The following PHKA1 variants were observed in gnomAD, a reference collection of about 807,000 sequenced individuals.
PHKA1 encodes phosphorylase kinase regulatory subunit alpha 1, also known as phosphorylase b kinase regulatory subunit alpha, skeletal muscle isoform.
PHKA1 carries 60 observed loss-of-function variants against 110.2 expected under a neutral mutation model. The ratio of observed to expected loss-of-function variants is 0.54; its 90% CI spans 0.44 to 0.68. The LOEUF is 0.68. Among genes scored for constraint, PHKA1 ranks in the 30% least tolerant of loss-of-function variants. The pLI, the probability that PHKA1 is intolerant of heterozygous loss-of-function variation, is 0.00. For synonymous variants in PHKA1, 316 were observed against 333.6 expected, an observed-to-expected ratio of 0.95 and a Z score of 0.58; for missense variants, 801 against 942.5, an observed-to-expected ratio of 0.85 and a Z score of 1.97.
chrX:72,633,095 C>T (rs2053185777), intron 16 of PHKA1, among the ~76,000 whole-genome samples: 1 of 111,550 alleles, frequency 9.0e-6, no homozygotes. Flanking sequence ...AAATTCATGT[C>T]CCTTTATAAC....
rs782674118 is a variant in PHKA1, at chrX:72,603,197, T to C, written c.2839A>G (p.Met947Val). Reference protein sequence around the residue: ...CSAEEATEGLMNLSPSAMKNL... With the variant: ...CSAEEATEGLVNLSPSAMKNL... ...TTCATGGCCGAAGGACTGAGATTCATCAGGCCCTCTGTGGCTTCCTCAGCT... is the reference window on the plus strand; with the variant it reads ...TTCATGGCCGAAGGACTGAGATTCACCAGGCCCTCTGTGGCTTCCTCAGCT... Residue 947 changes from methionine (M) to valine (V), a missense_variant, in exon 26 of 32, where the codon ATG (methionine) becomes GTG (valine). By Grantham distance (21) the Met-to-Val change is conservative (BLOSUM62 1). Around this residue, in one of 2 missense-constraint regions of PHKA1, gnomAD observed 502 missense variants for 519.2 expected, o/e 0.97. Coordinates refer to ENST00000373542, the MANE Select transcript of PHKA1 (RefSeq NM_002637.4). 1.3e-5 allele frequency: 16 copies of C among 1,201,548 alleles called. No homozygotes were observed. In the African/African-American group the frequency reaches 2.8e-4, roughly 21 times the overall value.
chrX:72,673,739 T>C (rs928395319), intron 6 of PHKA1, among the ~76,000 whole-genome samples: 1 of 110,340 alleles, frequency 9.1e-6, no homozygotes, highest in Non-Finnish European at 1.9e-5. Flanking sequence ...ATATCTATCA[T>C]ATGAGGATGG....
chrX:72,691,492 C>A (rs979413374), intron 4 of PHKA1, among the ~76,000 whole-genome samples: 14 of 112,155 alleles, frequency 1.2e-4, no homozygotes, highest in Non-Finnish European at 2.3e-4. Context: ...GCCACATTAA[C>A]AATAAATCTT....
At chrX:72,661,146 C>T (rs1314764230) in intron 8 of PHKA1, among the ~76,000 whole-genome samples, 1 of 111,955 alleles carries the variant, frequency 8.9e-6, no homozygotes, top group Non-Finnish European at 1.9e-5. Context: ...GGAGTTTGAC[C>T]CTTTTTTGGT....
intron 16 of PHKA1, among the ~76,000 whole-genome samples, chrX:72,628,043 A>C (rs2147720941): frequency 9.2e-6 from 1 of 109,027 alleles, no homozygotes; most frequent in Non-Finnish European, 1.9e-5. Context: ...GTTAGCCAGG[A>C]TGGTCTCAAT....
At chrX:72,614,914 T>C (rs2052868502) in intron 21 of PHKA1, among the ~76,000 whole-genome samples, 1 of 111,633 alleles carries the variant, frequency 9.0e-6, no homozygotes, top group African/African-American at 3.3e-5. Context: ...ACATGTTCAA[T>C]AGGAAGATAT....
At chrX:72,704,935 C>T (rs1006180608) in intron 3 of PHKA1, among the ~76,000 whole-genome samples, 8 of 111,393 alleles carry the variant, frequency 7.2e-5, no homozygotes, top group African/African-American at 2.6e-4. Context: ...ACCCTACATA[C>T]ACAATTGCAT....
Position 72,619,299 on chromosome X carries a change from T to C in PHKA1, c.2144A>G (p.His715Arg), listed in dbSNP as rs1556274112. 4 of 1,145,717 alleles carry C rather than the reference T, an allele frequency of 3.5e-6. No individual in the cohort carries two copies. The highest frequency in any genetic ancestry group is 3.7e-5 in the South Asian group (2 of 54,785). The allele number at this position is 1,145,717 out of a possible 1,213,427, so 94.4% of individuals were successfully genotyped here. ...AAATAACTTCGTAGGAAGATACATGTGAACATCTGCAAAAATATGACATTT... is the reference window on the plus strand; with the variant it reads ...AAATAACTTCGTAGGAAGATACATGCGAACATCTGCAAAAATATGACATTT... Reference protein sequence around the residue: ...KAKELHVQNVHMYLPTKLFQA... With the variant: ...KAKELHVQNVRMYLPTKLFQA... Residue 715 changes from histidine (H) to arginine (R), a missense_variant, in exon 20 of 32, where the codon CAC becomes CGC. By Grantham distance (29) the His-to-Arg change is conservative (BLOSUM62 0). Coordinates refer to ENST00000373542, the MANE Select transcript of PHKA1 (RefSeq NM_002637.4).
At chrX:72,670,800 C>T (rs1339938081) in intron 6 of PHKA1, among the ~76,000 whole-genome samples, 1 of 111,858 alleles carries the variant, frequency 8.9e-6, no homozygotes, top group Non-Finnish European at 1.9e-5. Context: ...TCAATAAACG[C>T]AATCCAGCAT....
chrX:72,652,303 C>A (rs2053439753), intron 12 of PHKA1, among the ~76,000 whole-genome samples: 1 of 111,154 alleles, frequency 9.0e-6, no homozygotes, highest in South Asian at 3.8e-4. Flanking sequence ...CTGAGCAGTT[C>A]CAAATACAGT....
intron 6 of PHKA1, among the ~76,000 whole-genome samples, chrX:72,671,351 A>G (rs1244290488): frequency 7.2e-5 from 8 of 110,894 alleles, no homozygotes; most frequent in African/African-American, 2.6e-4. Context: ...TTCAAAGAGA[A>G]TAAAATACCT....
chrX:72,690,594 A>G lies in PHKA1; in HGVS notation c.454+5114T>C, dbSNP rs192406449. Among the ~76,000 whole-genome samples the G allele has an allele frequency of 3.1e-3, 347 of 111,581 alleles. 1 individual carries two copies. The highest frequency in any genetic ancestry group is 0.011 in the African/African-American group (337 of 30,711). On this transcript the variant is annotated intron_variant, in intron 4 of 31. Transcript: ENST00000373542. The stretch of plus-strand genomic sequence containing the variant: ...TGAGGCCTCACCAGAAACCAACCCT[A>G]CCAGCCTTGCTCTTGGACTTCCAGC...
intron 4 of PHKA1, among the ~76,000 whole-genome samples, chrX:72,688,568 T>C (rs368788122): frequency 4.9e-4 from 55 of 112,415 alleles, no homozygotes; most frequent in Non-Finnish European, 9.0e-4. Flanking sequence ...AATGGCCTTC[T>C]TCTCTCCAGA....
rs1556296545 is a variant in PHKA1, at chrX:72,644,405, T to G, written c.1416A>C (p.Arg472Ser). 9 of 1,209,050 alleles carry G rather than the reference T, an allele frequency of 7.4e-6. No individual in the cohort carries two copies. Among genetic ancestry groups the G allele is most frequent in the Non-Finnish European group, 9.0e-6 (8 of 893,335 alleles). Reference protein sequence around the residue: ...VETIAEVYPIRVQPARILSHI... With the variant: ...VETIAEVYPISVQPARILSHI... Reference sequence around the variant, plus strand: ...GGCTGAGAATACGAGCTGGTTGTACTCTGATGGGGTATACCTCAGCAATGG... The same window carrying G: ...GGCTGAGAATACGAGCTGGTTGTACGCTGATGGGGTATACCTCAGCAATGG... The change falls in exon 14 of 32, where the codon AGA becomes AGC. Residue 472 changes from arginine to serine, a missense_variant. This residue lies in a region of PHKA1 where 299 missense variants were observed against 423.3 expected (regional missense o/e 0.71). Coordinates refer to ENST00000373542, the MANE Select transcript of PHKA1 (RefSeq NM_002637.4).
At chrX:72,584,162 C>A in intron 30 of PHKA1, 87 bp downstream of exon 30, 1 of 749,606 alleles carries the variant, frequency 1.3e-6, no homozygotes, top group South Asian at 2.2e-5. Flanking sequence ...AAGCATGGAT[C>A]TGTCACTTTG....
chrX:72,705,149 C>G (rs1556331872), intron 3 of PHKA1, 49 bp downstream of exon 3: 5 of 892,106 alleles, frequency 5.6e-6, no homozygotes, highest in South Asian at 4.0e-5. Context: ...GGTAGAGATA[C>G]TATTACAATG....
intron 19 of PHKA1, among the ~76,000 whole-genome samples, 180 bp from the exon 20 acceptor site, chrX:72,619,485 T>A (rs1894835978): frequency 8.9e-6 from 1 of 112,155 alleles, no homozygotes; most frequent in Admixed American, 9.5e-5. Context: ...ATTTAAATAA[T>A]GTGCAATTAA....
At chrX:72,642,400 C>A (rs1223644316) in intron 14 of PHKA1, among the ~76,000 whole-genome samples, 1 of 111,717 alleles carries the variant, frequency 9.0e-6, no homozygotes, top group African/African-American at 3.3e-5. Flanking sequence ...AAATCACCAA[C>A]AGGACTTGCA....
chrX:72,673,601 T>C (rs1569447085), intron 6 of PHKA1, among the ~76,000 whole-genome samples: 1 of 110,906 alleles, frequency 9.0e-6, no homozygotes, highest in Non-Finnish European at 1.9e-5. Flanking sequence ...AAACAAGTTG[T>C]AATAACATGT....
Sources: gnomAD v4.1 joint callset for allele counts (sites outside exome capture counted in the v4.1 genomes callset) on GRCh38, gnomAD v4.1.1 for gene constraint, gnomAD v4.1.1 regional missense constraint, MANE v1.5 for transcripts, NCBI Gene and HGNC (gene_info 2026-07-23, HGNC 2026-07-21) for gene names.